PRELID2: variants seen among roughly 807,000 people sequenced by gnomAD.
The protein encoded by PRELID2 is PRELI domain-containing protein 2.
A neutral mutation model predicts 28.4 loss-of-function variants in PRELID2; 25 were observed. The observed-to-expected ratio is 0.88, with a 90% CI of 0.64 to 1.23. PRELID2 has a LOEUF of 1.23. PRELID2 is among the 50% of genes most tolerant of loss of function. The pLI, the probability that PRELID2 is intolerant of heterozygous loss-of-function variation, is 0.00. For synonymous variants in PRELID2, 76 were observed against 71.6 expected (o/e 1.06, Z -0.31); for missense variants, 201 against 214.4 (o/e 0.94, Z 0.39).
At chr5:145,613,111 G>A (rs1753642513) in intron 1 of PRELID2, among the ~76,000 whole-genome samples, 1 of 152,040 alleles carries the variant, frequency 6.6e-6, no homozygotes, top group African/African-American at 2.4e-5. Flanking sequence ...AGGTACAAGT[G>A]TCCCCTGATC....
chr5:145,438,269 G>A, the PRELID2 span, among the ~76,000 whole-genome samples: 3 of 151,748 alleles, frequency 2.0e-5, no homozygotes, highest in Non-Finnish European at 4.4e-5. Flanking sequence ...GGAAAAAATA[G>A]AAAAGAAAAA....
intron 1 of PRELID2, among the ~76,000 whole-genome samples, chr5:145,556,054 T>C (rs754751611): frequency 6.6e-6 from 1 of 151,768 alleles, no homozygotes; most frequent in Admixed American, 6.6e-5. Flanking sequence ...GGCGTGTGCC[T>C]GTAGTCCTAG....
chr5:145,339,939 G>C, the PRELID2 span, among the ~76,000 whole-genome samples: 1 of 152,162 alleles, frequency 6.6e-6, no homozygotes, highest in Non-Finnish European at 1.5e-5. Context: ...TCTTATTGCT[G>C]CTGCTGTGTA....
chr5:145,263,510 G>C, the PRELID2 span, among the ~76,000 whole-genome samples: 1 of 151,222 alleles, frequency 6.6e-6, no homozygotes, highest in African/African-American at 2.4e-5. Flanking sequence ...AAATTAAATT[G>C]AAACAAAAAA....
At chr5:145,559,714 A>G (rs1275368868) in intron 1 of PRELID2, among the ~76,000 whole-genome samples, 8 of 151,662 alleles carry the variant, frequency 5.3e-5, no homozygotes, top group African/African-American at 1.5e-4. Context: ...TGTTTTGTCT[A>G]CCTCTTCTCT....
At chr5:145,297,459 G>A in the PRELID2 span, among the ~76,000 whole-genome samples, 24 of 151,928 alleles carry the variant, frequency 1.6e-4, no homozygotes, top group African/African-American at 5.8e-4. Flanking sequence ...GTATTGATGG[G>A]ACGTATCTCA....
At chr5:145,271,220 T>G in the PRELID2 span, among the ~76,000 whole-genome samples, 1 of 152,068 alleles carries the variant, frequency 6.6e-6, no homozygotes, top group Admixed American at 6.6e-5. Flanking sequence ...ATCATGTCCC[T>G]AAGGCAAATT....
chr5:145,724,605 ATATATATATATATATAT>A (rs1756084308), intron 1 of PRELID2, among the ~76,000 whole-genome samples: 17 of 82,612 alleles, frequency 2.1e-4, no homozygotes, highest in African/African-American at 5.6e-4. Context: ...AAATAAATAT[ATATATATATATATATAT>A]ATATATATAT....
chr5:145,833,616 T>C (rs1387582634), intron 1 of PRELID2, among the ~76,000 whole-genome samples: 1 of 152,214 alleles, frequency 6.6e-6, no homozygotes, highest in East Asian at 1.9e-4. Context: ...CTGACATTCC[T>C]TCTAAAGAGG....
chr5:145,573,904 T>C (rs1561508819), intron 1 of PRELID2, among the ~76,000 whole-genome samples: 1 of 152,162 alleles, frequency 6.6e-6, no homozygotes, highest in Non-Finnish European at 1.5e-5. Context: ...TGATTACCAT[T>C]TTATAAACTC....
chr5:145,242,471 T>C, the PRELID2 span, among the ~76,000 whole-genome samples: 1 of 152,032 alleles, frequency 6.6e-6, no homozygotes, highest in African/African-American at 2.4e-5. Context: ...GATACTGTAA[T>C]TCAGAGATAT....
At chr5:145,229,852 A>C in the PRELID2 span, 6 of 757,518 alleles carry the variant, frequency 7.9e-6, no homozygotes, top group Non-Finnish European at 1.4e-5. Context: ...GAGCCGGCAG[A>C]AGGGAAAGTG....
intron 5 of PRELID2, among the ~76,000 whole-genome samples, chr5:145,773,079 T>C (rs1758206512): frequency 6.6e-6 from 1 of 152,206 alleles, no homozygotes. Flanking sequence ...TTGCTTCACA[T>C]TATAAAGCTT....
In PRELID2 at chr5:145,835,162, G is replaced by T; in HGVS notation, c.75+15C>A. The T allele has an allele frequency of 6.5e-7, 1 of 1,537,836 alleles. No homozygotes were observed. Among genetic ancestry groups the T allele is most frequent in the Non-Finnish European group, 8.8e-7 (1 of 1,136,036 alleles). ...GAGGCAGCGCGGGATACGGAAGGTGGAAGCGGGGCGGTACCTTTCGGAGAA... is the reference window on the plus strand; with the variant it reads ...GAGGCAGCGCGGGATACGGAAGGTGTAAGCGGGGCGGTACCTTTCGGAGAA... On this transcript the variant is annotated intron_variant, in intron 1 of 6. Coordinates refer to ENST00000683046, the MANE Select transcript of PRELID2 (RefSeq NM_205846.3).
At chr5:145,248,908 C>A in the PRELID2 span, among the ~76,000 whole-genome samples, 1 of 152,152 alleles carries the variant, frequency 6.6e-6, no homozygotes, top group Non-Finnish European at 1.5e-5. Context: ...AACTAAATTT[C>A]AGAAGGAAAT....
the PRELID2 span, among the ~76,000 whole-genome samples, chr5:145,442,738 G>A: frequency 1.0e-3 from 154 of 152,088 alleles, no homozygotes; most frequent in African/African-American, 3.3e-3. Flanking sequence ...ACAATATAGC[G>A]TGTGCATCAG....
chr5:145,747,581 G>A (rs1424572985), intron 1 of PRELID2, among the ~76,000 whole-genome samples: 8 of 151,964 alleles, frequency 5.3e-5, no homozygotes, highest in South Asian at 2.1e-4. Context: ...ATTCACAGCC[G>A]AATTCTACCA....
chr5:145,756,100 C>A (rs1303777504), downstream of PRELID2, among the ~76,000 whole-genome samples: 3 of 152,190 alleles, frequency 2.0e-5, no homozygotes, highest in Non-Finnish European at 4.4e-5. Context: ...CTCTGCAGGT[C>A]CTGGTCCTTC....
intron 1 of PRELID2, among the ~76,000 whole-genome samples, chr5:145,737,184 TACAGGCAAGCAGACGAGACAGGCTCTGA>T (rs1323057328): frequency 6.6e-6 from 1 of 151,972 alleles, no homozygotes; most frequent in Admixed American, 6.6e-5. Context: ...TCAAGGAGTT[TACAGGCAAGCAGACGAGACAGGCTCTGA>T]ACAGTTATTA....
Sources: gnomAD v4.1 joint callset for allele counts (sites outside exome capture counted in the v4.1 genomes callset) on GRCh38, gnomAD v4.1.1 for gene constraint, MANE v1.5 for transcripts, NCBI Gene and HGNC (gene_info 2026-07-23, HGNC 2026-07-21) for gene names.